IL1RAPL1: variants seen among roughly 807,000 people sequenced by gnomAD.
IL1RAPL1 encodes interleukin-1 receptor accessory protein-like 1.
IL1RAPL1 carries 3 observed loss-of-function variants against 48.4 expected under a neutral mutation model. That is an observed-to-expected ratio of 0.06 (90% confidence interval 0.03 to 0.16). The LOEUF (loss-of-function observed/expected upper bound fraction) is 0.16. Ranked by LOEUF, IL1RAPL1 falls within the 10% of genes least tolerant of loss-of-function variation. The pLI is 1.00. For synonymous variants in IL1RAPL1, 185 were observed against 187.7 expected (o/e 0.99, Z 0.12); for missense variants, 349 against 530.6 (o/e 0.66, Z 3.36).
rs758526795 is a variant in IL1RAPL1, at chrX:29,706,846, T to C, written c.778+38342T>C. On this transcript the variant is annotated intron_variant, in intron 6 of 10. Coordinates refer to ENST00000378993, the MANE Select transcript of IL1RAPL1 (RefSeq NM_014271.4). ...CTGAAACCATAAAGATTCTAGAAGA[T>C]AACACCAGAAAAACCCTTCTAGACA... Among the ~76,000 whole-genome samples, 3 of 111,471 alleles carry C rather than the reference T, an allele frequency of 2.7e-5. No individual in the cohort carries two copies. The South Asian group carries it at 1.1e-3, about 42-fold the overall frequency.
chrX:29,553,972 T>G (rs1381866142), intron 5 of IL1RAPL1, among the ~76,000 whole-genome samples: 5 of 110,103 alleles, frequency 4.5e-5, no homozygotes, highest in Admixed American at 2.9e-4. Context: ...GCTTTGACTC[T>G]GTATTTGCCT....
chrX:29,267,761 C>G lies in IL1RAPL1; in HGVS notation c.83-15177C>G, dbSNP rs1273746023. On this transcript the variant is annotated intron_variant, in intron 2 of 10. Coordinates refer to ENST00000378993, the MANE Select transcript of IL1RAPL1 (RefSeq NM_014271.4). ...TGTTTTAGTAGTTTCCTTGGGTGGACTAGTTTCACCGAATGCCATGTGTAA... is the reference window on the plus strand; with the variant it reads ...TGTTTTAGTAGTTTCCTTGGGTGGAGTAGTTTCACCGAATGCCATGTGTAA... 3.6e-5 allele frequency among the ~76,000 whole-genome samples: 4 copies of G among 111,890 alleles called. No homozygotes were observed. The Admixed American group carries it at 3.8e-4, about 11-fold the overall frequency.
chrX:29,856,312 C>G (rs1931476670), intron 6 of IL1RAPL1, among the ~76,000 whole-genome samples: 1 of 111,622 alleles, frequency 9.0e-6, no homozygotes, highest in Admixed American at 9.5e-5. Flanking sequence ...TTCAGACAGA[C>G]TAAGATTACT....
chrX:29,366,608 G>A (rs1044126233), intron 3 of IL1RAPL1, among the ~76,000 whole-genome samples: 1 of 76,280 alleles, frequency 1.3e-5, no homozygotes, highest in African/African-American at 5.5e-5. Flanking sequence ...TCGCTCTGTC[G>A]CCCAGGCTGG....
intron 6 of IL1RAPL1, among the ~76,000 whole-genome samples, chrX:29,742,691 C>G (rs1354324977): frequency 8.9e-6 from 1 of 111,774 alleles, no homozygotes; most frequent in East Asian, 2.8e-4. Context: ...ATGAAACATA[C>G]GGGTTGGTTC....
At chrX:28,877,696 A>G (rs1922407917) in intron 2 of IL1RAPL1, among the ~76,000 whole-genome samples, 1 of 111,714 alleles carries the variant, frequency 9.0e-6, no homozygotes, top group African/African-American at 3.3e-5. Context: ...TGAATCCTAG[A>G]GATGGAGGAT....
At chrX:29,022,409 T>C (rs753452524) in intron 2 of IL1RAPL1, among the ~76,000 whole-genome samples, 1 of 112,011 alleles carries the variant, frequency 8.9e-6, no homozygotes, top group African/African-American at 3.2e-5. Flanking sequence ...TATTTCTTGC[T>C]TGAAAGAGAG....
chrX:29,584,068 A>G (rs1923073417), intron 5 of IL1RAPL1, among the ~76,000 whole-genome samples: 1 of 110,926 alleles, frequency 9.0e-6, no homozygotes, highest in Non-Finnish European at 1.9e-5. Flanking sequence ...TCTGTTGCTG[A>G]CTTCATCTCA....
chrX:28,737,207 CTTT>C (rs1935849612), intron 1 of IL1RAPL1, among the ~76,000 whole-genome samples: 3 of 30,597 alleles, frequency 9.8e-5, no homozygotes, highest in African/African-American at 2.1e-4. Flanking sequence ...CTTTCTTTCT[CTTT>C]CTTTCTTTCT....
intron 5 of IL1RAPL1, among the ~76,000 whole-genome samples, chrX:29,508,380 C>T: frequency 9.0e-6 from 1 of 111,317 alleles, no homozygotes; most frequent in East Asian, 2.8e-4. Context: ...GGGTGTCTGT[C>T]TGAAAGGCTA....
chrX:29,405,113 C>T (rs1435395552), intron 5 of IL1RAPL1, among the ~76,000 whole-genome samples: 1 of 109,937 alleles, frequency 9.1e-6, no homozygotes, highest in African/African-American at 3.3e-5. Flanking sequence ...GGGGTTTCAC[C>T]ATGTTGGCCA....
intron 2 of IL1RAPL1, among the ~76,000 whole-genome samples, chrX:29,081,001 T>TTTCTTTCC (rs1927813264): frequency 1.6e-5 from 1 of 62,316 alleles, no homozygotes; most frequent in African/African-American, 9.2e-5. Context: ...TCTTTCTCTC[T>TTTCTTTCC]CTCTCTCTCT....
intron 2 of IL1RAPL1, among the ~76,000 whole-genome samples, chrX:28,827,144 G>A (rs1265675454): frequency 3.6e-5 from 4 of 110,459 alleles, no homozygotes; most frequent in Non-Finnish European, 7.6e-5. Context: ...TTTTTGATGT[G>A]CCATATTTTC....
intron 3 of IL1RAPL1, among the ~76,000 whole-genome samples, chrX:29,308,988 A>G (rs916142892): frequency 8.9e-6 from 1 of 112,277 alleles, no homozygotes; most frequent in African/African-American, 3.2e-5. Flanking sequence ...TTTATCTTAA[A>G]CACCAGCAAA....
intron 2 of IL1RAPL1, among the ~76,000 whole-genome samples, chrX:28,987,028 T>C (rs1303779531): frequency 8.9e-6 from 1 of 112,536 alleles, no homozygotes; most frequent in Non-Finnish European, 1.9e-5. Context: ...TAGCCATGAC[T>C]CTGGACACAC....
At chrX:28,733,234 G>A (rs184356551) in intron 1 of IL1RAPL1, among the ~76,000 whole-genome samples, 1 of 110,797 alleles carries the variant, frequency 9.0e-6, no homozygotes, top group East Asian at 2.8e-4. Context: ...GTAATTATAT[G>A]TATCCTAAAA....
chrX:29,659,391 A>G (rs1218862175), intron 5 of IL1RAPL1, among the ~76,000 whole-genome samples: 1 of 111,583 alleles, frequency 9.0e-6, no homozygotes, highest in African/African-American at 3.3e-5. Context: ...ATACTATTTT[A>G]TTGCTGAATA....
chrX:29,585,607 C>T (rs1228811531), intron 5 of IL1RAPL1, among the ~76,000 whole-genome samples: 2 of 112,007 alleles, frequency 1.8e-5, no homozygotes, highest in Admixed American at 9.5e-5. Flanking sequence ...AAACTGTTCT[C>T]CATAACAGCT....
intron 5 of IL1RAPL1, among the ~76,000 whole-genome samples, chrX:29,648,020 T>C (rs1430396821): frequency 1.8e-5 from 2 of 111,644 alleles, no homozygotes; most frequent in Non-Finnish European, 3.8e-5. Flanking sequence ...TCAGATAAAA[T>C]AGACTTTAAG....
Sources: allele counts gnomAD v4.1 joint callset (sites outside exome capture counted in the v4.1 genomes callset), GRCh38; gene constraint gnomAD v4.1.1; transcripts MANE v1.5; gene names NCBI Gene and HGNC (gene_info 2026-07-23, HGNC 2026-07-21).